The following GXYLT1 variants were observed in gnomAD, a reference collection of about 807,000 sequenced individuals.
GXYLT1 encodes the protein glucoside xylosyltransferase 1.
A neutral mutation model predicts 54.0 loss-of-function variants in GXYLT1; 29 were observed. The observed-to-expected ratio is 0.54, with a 90% CI of 0.40 to 0.73. The LOEUF (loss-of-function observed/expected upper bound fraction) is 0.73, where lower values mean the gene tolerates loss of function less well. GXYLT1 is among the 30% of genes least tolerant of loss of function. The pLI is 0.00. For synonymous variants in GXYLT1, 176 were observed against 204.1 expected (o/e 0.86, Z 1.17); for missense variants, 490 against 553.4 (o/e 0.89, Z 1.15).
At chr12:42,106,919 A>T (rs1009025291) in intron 4 of GXYLT1, among the ~76,000 whole-genome samples, 4 of 151,020 alleles carry the variant, frequency 2.6e-5, no homozygotes, top group African/African-American at 4.9e-5. Flanking sequence ...CTAATTTTTC[A>T]TATTTTTAGT....
intron 1 of GXYLT1, among the ~76,000 whole-genome samples, chr12:42,136,226 C>T (rs1484048821): frequency 6.6e-6 from 1 of 152,130 alleles, no homozygotes; most frequent in Non-Finnish European, 1.5e-5. Flanking sequence ...GCAAAAGCAA[C>T]TCATCTGAAG....
chr12:42,127,346 T>C (rs2065568773), intron 2 of GXYLT1, among the ~76,000 whole-genome samples: 1 of 108,012 alleles, frequency 9.3e-6, no homozygotes, highest in African/African-American at 3.2e-5. Flanking sequence ...TGACACAAAA[T>C]GTTTGCTTTT....
chr12:42,101,991 A>G (rs772487440), intron 5 of GXYLT1, among the ~76,000 whole-genome samples: 10 of 152,214 alleles, frequency 6.6e-5, no homozygotes, highest in Non-Finnish European at 1.5e-5. Context: ...TTCATTCTAC[A>G]TAAAATTACT....
chr12:42,098,760 CATATATATAT>C lies in GXYLT1; in HGVS notation c.865-737_865-728del, dbSNP rs60199719. On this transcript the variant is annotated intron_variant, in intron 5 of 7. Coordinates refer to ENST00000398675, the MANE Select transcript of GXYLT1 (RefSeq NM_173601.2). ...TTCATTTATCTTATTAAATTTAAAA[CATATATATAT>C]ATATATATATATATAATACATGTGT... Among the ~76,000 whole-genome samples, 52 of 96,922 alleles carry C rather than the reference CATATATATAT, an allele frequency of 5.4e-4. 2 individuals carry two copies. The highest frequency in any genetic ancestry group is 2.2e-3 in the East Asian group (6 of 2,758). The allele number at this position is 96,922 out of a possible 152,430, so 63.6% of individuals were successfully genotyped here. A position where few individuals can be genotyped will look rare whatever the true frequency, so the allele number is the denominator to read the frequency against.
At chr12:42,120,461 T>G (rs2065524136) in intron 2 of GXYLT1, among the ~76,000 whole-genome samples, 1 of 152,230 alleles carries the variant, frequency 6.6e-6, no homozygotes, top group African/African-American at 2.4e-5. Flanking sequence ...AAGTAACTTT[T>G]AATACCTCTT....
At chr12:42,123,803 A>G (rs1418056223) in intron 2 of GXYLT1, among the ~76,000 whole-genome samples, 1 of 152,090 alleles carries the variant, frequency 6.6e-6, no homozygotes, top group African/African-American at 2.4e-5. Context: ...CTAAAAAAGA[A>G]CTGCCATGAA....
intron 3 of GXYLT1, among the ~76,000 whole-genome samples, chr12:42,115,575 G>A (rs1251853123): frequency 6.6e-6 from 1 of 152,110 alleles, no homozygotes; most frequent in African/African-American, 2.4e-5. Flanking sequence ...ACTTACAAGG[G>A]ATGTGAAGGA....
chr12:42,113,768 A>C (rs1382427007), intron 3 of GXYLT1, among the ~76,000 whole-genome samples: 2 of 151,052 alleles, frequency 1.3e-5, no homozygotes, highest in Non-Finnish European at 2.9e-5. Context: ...TCAGCTCTGC[A>C]CCAAGCGGAC....
rs1047728885 is a variant in GXYLT1, at chr12:42,144,832, G to A, written c.-186C>T. 1 of 378,094 alleles carries A rather than the reference G, an allele frequency of 2.6e-6. No individual in the cohort carries two copies. Among genetic ancestry groups the A allele is most frequent in the Non-Finnish European group, 4.7e-6 (1 of 214,944 alleles). The allele number at this position is 378,094 out of a possible 1,614,324, so 23.4% of individuals were successfully genotyped here. A position where few individuals can be genotyped will look rare whatever the true frequency, so the allele number is the denominator to read the frequency against. On this transcript the variant is annotated 5_prime_UTR_variant, in exon 1 of 8. Coordinates refer to ENST00000398675, the MANE Select transcript of GXYLT1 (RefSeq NM_173601.2). ...CCTAGGCGAGCGCAGTCGCGGCTCCGGAGCCGAAGGACTACCCGCCCGGAA... is the reference window on the plus strand; with the variant it reads ...CCTAGGCGAGCGCAGTCGCGGCTCCAGAGCCGAAGGACTACCCGCCCGGAA...
At chr12:42,088,466 CT>C (rs1171154343) in intron 7 of GXYLT1, among the ~76,000 whole-genome samples, 1 of 152,100 alleles carries the variant, frequency 6.6e-6, no homozygotes, top group Non-Finnish European at 1.5e-5. Context: ...CATTTGAAAA[CT>C]GCTAAATATT....
chr12:42,110,925 TAC>T (rs2065449847), intron 3 of GXYLT1, among the ~76,000 whole-genome samples: 2 of 152,240 alleles, frequency 1.3e-5, no homozygotes, highest in African/African-American at 2.4e-5. Flanking sequence ...CAGTGATTAT[TAC>T]AGTCAAACGA....
At chr12:42,098,513 TAAATC>T (rs2065370363) in intron 5 of GXYLT1, among the ~76,000 whole-genome samples, 1 of 151,750 alleles carries the variant, frequency 6.6e-6, no homozygotes, top group Non-Finnish European at 1.5e-5. Context: ...TTGAAATTGA[TAAATC>T]AAATTAAAAA....
At chr12:42,093,447 T>C (rs959739743) in intron 7 of GXYLT1, among the ~76,000 whole-genome samples, 3 of 152,012 alleles carry the variant, frequency 2.0e-5, no homozygotes, top group Admixed American at 6.5e-5. Flanking sequence ...TTGATACTTA[T>C]AGAAAAATAA....
intron 3 of GXYLT1, among the ~76,000 whole-genome samples, chr12:42,115,475 A>T (rs2065488120): frequency 6.6e-6 from 1 of 152,224 alleles, no homozygotes. Context: ...AAGCATTCTT[A>T]TACAGCAATA....
intron 3 of GXYLT1, among the ~76,000 whole-genome samples, chr12:42,112,854 T>C (rs1302934256): frequency 6.6e-6 from 1 of 150,542 alleles, no homozygotes; most frequent in Non-Finnish European, 1.5e-5. Context: ...TTCACCAAAG[T>C]TGAAATGAAG....
Position 42,097,437 on chromosome 12 carries a change from CT to C in GXYLT1, c.1161+4del. On this transcript the variant is annotated splice_donor_region_variant and intron_variant, in intron 7 of 7. Coordinates refer to ENST00000398675, the MANE Select transcript of GXYLT1 (RefSeq NM_173601.2). Reference sequence around the variant, plus strand: ...AAGTTAAAAAAAAGGAAAGGCAAATCTTACATTTCTCAGTGCTTCATAAACA... The same window carrying C: ...AAGTTAAAAAAAAGGAAAGGCAAATCTACATTTCTCAGTGCTTCATAAACA... The C allele has an allele frequency of 6.5e-7, 1 of 1,544,284 alleles. No individual in the cohort carries two copies. Among genetic ancestry groups the C allele is most frequent in the South Asian group, 1.2e-5 (1 of 82,402 alleles).
chr12:42,111,897 G>A (rs1050550477), intron 3 of GXYLT1, among the ~76,000 whole-genome samples: 11 of 152,238 alleles, frequency 7.2e-5, no homozygotes, highest in South Asian at 4.1e-4. Context: ...CTGTAGGGGC[G>A]GACTGACACC....
intron 4 of GXYLT1, among the ~76,000 whole-genome samples, chr12:42,106,665 T>C (rs2065422809): frequency 6.6e-6 from 1 of 152,100 alleles, no homozygotes; most frequent in African/African-American, 2.4e-5. Context: ...AAAGACTGGC[T>C]ATGTTGCACT....
intron 4 of GXYLT1, among the ~76,000 whole-genome samples, chr12:42,108,972 C>T (rs1458521813): frequency 4.6e-5 from 7 of 151,898 alleles, no homozygotes; most frequent in Admixed American, 4.6e-4. Flanking sequence ...AAAGAGGTAA[C>T]CTTGCTTCAG....
Sources: gnomAD v4.1 joint callset for allele counts (sites outside exome capture counted in the v4.1 genomes callset) on GRCh38, gnomAD v4.1.1 for gene constraint, MANE v1.5 for transcripts, NCBI Gene and HGNC (gene_info 2026-07-23, HGNC 2026-07-21) for gene names.